SLC25A21: variants seen among roughly 807,000 people sequenced by gnomAD.
SLC25A21 encodes solute carrier family 25 member 21, also known as mitochondrial 2-oxodicarboxylate carrier.
SLC25A21 carries 47 observed loss-of-function variants against 43.8 expected under a neutral mutation model. That is an observed-to-expected ratio of 1.07 (90% confidence interval 0.85 to 1.37). The LOEUF (loss-of-function observed/expected upper bound fraction) is 1.37, where lower values mean the gene tolerates loss of function less well. SLC25A21 is among the 40% of genes most tolerant of loss of function. The probability of loss-of-function intolerance (pLI) is 0.00; values close to 1 mark genes in which losing one functional copy is unlikely to be tolerated. For synonymous variants in SLC25A21, 131 were observed against 121.3 expected (o/e 1.08, Z -0.52); for missense variants, 352 against 350.2 (o/e 1.00, Z -0.04).
At position 36,683,211 on chromosome 14, in the gene SLC25A21, G is replaced by C. The variant is rs1223580241; in HGVS notation, c.838+617C>G. ...TTATTTTCTTATCTATTTACATAGA[G>C]GCAGCCGATTCTCCCTGTGGGAATG... On this transcript the variant is annotated intron_variant, in intron 9 of 9. Coordinates refer to ENST00000331299, the MANE Select transcript of SLC25A21 (RefSeq NM_030631.4). Among the ~76,000 whole-genome samples the C allele has an allele frequency of 2.6e-5, 4 of 152,334 alleles. No individual in the cohort carries two copies. In the East Asian group the frequency reaches 7.7e-4, roughly 29 times the overall value.
chr14:37,167,237 A>G (rs976746882), intron 1 of SLC25A21, among the ~76,000 whole-genome samples: 1 of 152,170 alleles, frequency 6.6e-6, no homozygotes, highest in Non-Finnish European at 1.5e-5. Context: ...CACTTGCGCA[A>G]TTTGGCTTTG....
Position 37,118,278 on chromosome 14 carries a change from C to T in SLC25A21, c.70+54003G>A, listed in dbSNP as rs149607398. ...CAACTGATGGCTCCACCCAGATCCA[C>T]CAACAAGTCCTGTGGCCCCACCTAG... On this transcript the variant is annotated intron_variant, in intron 1 of 9. Coordinates refer to ENST00000331299, the MANE Select transcript of SLC25A21 (RefSeq NM_030631.4). Among the ~76,000 whole-genome samples the T allele has an allele frequency of 2.6e-3, 389 of 151,660 alleles. 4 individuals carry two copies. Among genetic ancestry groups the T allele is most frequent in the African/African-American group, 8.9e-3 (364 of 41,014 alleles).
chr14:36,789,672 C>G (rs1566615220), intron 3 of SLC25A21, among the ~76,000 whole-genome samples: 1 of 140,024 alleles, frequency 7.1e-6, no homozygotes, highest in Non-Finnish European at 1.5e-5. Flanking sequence ...AAAAACTCAT[C>G]TTGTTACTGT....
At position 36,995,862 on chromosome 14, in the gene SLC25A21, GAAC is replaced by G. The variant is rs1329651300; in HGVS notation, c.71-120861_71-120859del. On this transcript the variant is annotated intron_variant, in intron 1 of 9. Coordinates refer to ENST00000331299, the MANE Select transcript of SLC25A21 (RefSeq NM_030631.4). ...CCCTTACTCCTTCGCTCCTACTGAA[GAAC>G]AACAACATAATACTGTAGCTAACAA... Among the ~76,000 whole-genome samples the G allele has an allele frequency of 2.0e-5, 3 of 152,230 alleles. No individual in the cohort carries two copies. The East Asian group carries it at 5.8e-4, about 29-fold the overall frequency.
At chr14:36,818,177 G>A (rs938785279) in intron 2 of SLC25A21, among the ~76,000 whole-genome samples, 3 of 152,120 alleles carry the variant, frequency 2.0e-5, no homozygotes, top group Non-Finnish European at 4.4e-5. Context: ...GGGGATGATC[G>A]GCTATTTATG....
chr14:36,786,550 C>T (rs557283053), intron 3 of SLC25A21, among the ~76,000 whole-genome samples: 14 of 152,104 alleles, frequency 9.2e-5, no homozygotes, highest in Non-Finnish European at 1.6e-4. Flanking sequence ...TGTCTAAATT[C>T]CCAGCGATGT....
chr14:37,163,120 A>G (rs1267919812), intron 1 of SLC25A21, among the ~76,000 whole-genome samples: 2 of 149,114 alleles, frequency 1.3e-5, no homozygotes, highest in Admixed American at 6.7e-5. Context: ...GAAGGGGAAC[A>G]TCACACTCTG....
At chr14:37,164,725 A>G (rs1313942775) in intron 1 of SLC25A21, among the ~76,000 whole-genome samples, 1 of 152,232 alleles carries the variant, frequency 6.6e-6, no homozygotes, top group East Asian at 1.9e-4. Context: ...TATGTAAGAA[A>G]TTTGAAAACA....
At chr14:37,055,287 G>A (rs1961796167) in intron 1 of SLC25A21, among the ~76,000 whole-genome samples, 1 of 152,210 alleles carries the variant, frequency 6.6e-6, no homozygotes, top group Non-Finnish European at 1.5e-5. Flanking sequence ...ATGTCACGAT[G>A]AGATGAAACT....
intron 7 of SLC25A21, among the ~76,000 whole-genome samples, chr14:36,707,042 T>C (rs1883602341): frequency 6.6e-6 from 1 of 152,214 alleles, no homozygotes; most frequent in Admixed American, 6.5e-5. Flanking sequence ...CTAGCAACAT[T>C]CTTGCCTTCA....
chr14:36,767,000 A>G (rs962519377), intron 3 of SLC25A21, among the ~76,000 whole-genome samples: 1 of 152,216 alleles, frequency 6.6e-6, no homozygotes, highest in Non-Finnish European at 1.5e-5. Context: ...TTGCATGACC[A>G]TATACCACCA....
chr14:37,159,691 C>T (rs926286508), intron 1 of SLC25A21, among the ~76,000 whole-genome samples: 1 of 152,010 alleles, frequency 6.6e-6, no homozygotes, highest in Non-Finnish European at 1.5e-5. Context: ...ACTAATACCT[C>T]AAAAGTACAG....
At chr14:36,924,033 C>G (rs908937544) in intron 1 of SLC25A21, among the ~76,000 whole-genome samples, 1 of 152,102 alleles carries the variant, frequency 6.6e-6, no homozygotes, top group Admixed American at 6.5e-5. Flanking sequence ...ACTACAGGTG[C>G]TGGAGAGGAT....
At chr14:36,932,661 C>A (rs898301669) in intron 1 of SLC25A21, among the ~76,000 whole-genome samples, 3 of 151,850 alleles carry the variant, frequency 2.0e-5, no homozygotes, top group African/African-American at 7.3e-5. Flanking sequence ...TATACATGAT[C>A]CTGCTCTAGG....
chr14:36,764,934 G>A (rs980725466), intron 3 of SLC25A21, among the ~76,000 whole-genome samples: 2 of 152,178 alleles, frequency 1.3e-5, no homozygotes, highest in Admixed American at 1.3e-4. Context: ...CAAGATTACG[G>A]GCCATCTTGC....
At chr14:37,161,898 G>C (rs1187036340) in intron 1 of SLC25A21, among the ~76,000 whole-genome samples, 1 of 144,924 alleles carries the variant, frequency 6.9e-6, no homozygotes, top group Non-Finnish European at 1.5e-5. Flanking sequence ...GGGAGGCGGA[G>C]CTTGCAGTGA....
chr14:36,689,490 T>C (rs923143130), intron 7 of SLC25A21, among the ~76,000 whole-genome samples: 3 of 152,150 alleles, frequency 2.0e-5, no homozygotes, highest in Non-Finnish European at 4.4e-5. Context: ...CCTACCAATA[T>C]GTTTATGAAG....
At chr14:37,051,483 A>G (rs1486882738) in intron 1 of SLC25A21, among the ~76,000 whole-genome samples, 1 of 152,228 alleles carries the variant, frequency 6.6e-6, no homozygotes, top group African/African-American at 2.4e-5. Context: ...ATTCACCCAG[A>G]CTGAACTCCT....
chr14:36,969,295 T>C (rs545424226), intron 1 of SLC25A21, among the ~76,000 whole-genome samples: 46 of 152,216 alleles, frequency 3.0e-4, no homozygotes, highest in Admixed American at 2.8e-3. Flanking sequence ...GGAACAGATG[T>C]GCTTAGCTCT....
Sources: allele counts gnomAD v4.1 joint callset (sites outside exome capture counted in the v4.1 genomes callset), GRCh38; gene constraint gnomAD v4.1.1; transcripts MANE v1.5; gene names NCBI Gene and HGNC (gene_info 2026-07-23, HGNC 2026-07-21).